Variants in PHF8 observed in about 807,000 individuals in gnomAD.
The protein encoded by PHF8 is PHD finger protein 8.
In PHF8, 9 loss-of-function variants were observed where a neutral mutation model predicts 74.4. That is an observed-to-expected ratio of 0.12 (90% confidence interval 0.07 to 0.21). The LOEUF is 0.21. Ranked by LOEUF, PHF8 falls within the 10% of genes least tolerant of loss-of-function variation. PHF8 has a pLI of 1.00. For synonymous variants in PHF8, 311 were observed against 316.6 expected (o/e 0.98, Z 0.19); for missense variants, 478 against 816.6 (o/e 0.59, Z 5.05).
Position 53,938,145 on chromosome X carries a change from A to G in PHF8, c.*1013T>C. The G allele has an allele frequency of 3.5e-6, 4 of 1,132,308 alleles. No homozygotes were observed. Among genetic ancestry groups the G allele is most frequent in the Non-Finnish European group, 4.7e-6 (4 of 855,940 alleles). 93.3% of individuals were successfully genotyped at this position (1,132,308 alleles called of 1,213,427 possible). ...CCTCAGGTGGAGAAAGAAGCATGAAAAGTTCCCGATGGAGGACCCAGGTGT... is the reference window on the plus strand; with the variant it reads ...CCTCAGGTGGAGAAAGAAGCATGAAGAGTTCCCGATGGAGGACCCAGGTGT... On this transcript the variant is annotated 3_prime_UTR_variant, in exon 22 of 22. Coordinates refer to ENST00000338154, the MANE Select transcript of PHF8 (RefSeq NM_015107.3).
Position 53,938,496 on chromosome X carries a change from A to AAGTG in PHF8, c.*658_*661dup. 1 of 764,701 alleles carries AAGTG rather than the reference A, an allele frequency of 1.3e-6. No individual in the cohort carries two copies. The highest frequency in any genetic ancestry group is 1.5e-6 in the Non-Finnish European group (1 of 646,022). The allele number at this position is 764,701 out of a possible 1,213,427, so 63.0% of individuals were successfully genotyped here. A position where few individuals can be genotyped will look rare whatever the true frequency, so the allele number is the denominator to read the frequency against. The stretch of plus-strand genomic sequence containing the variant: ...GCATCTGACCTCTCCCTACCTTGAC[A>AAGTG]AGTGATAGGAATCACCTTTCTTTTG... On this transcript the variant is annotated 3_prime_UTR_variant, in exon 22 of 22. Transcript: ENST00000338154.
chrX:53,989,665 T>C (rs1181734346), intron 14 of PHF8, among the ~76,000 whole-genome samples: 2 of 112,281 alleles, frequency 1.8e-5, no homozygotes, highest in Non-Finnish European at 3.8e-5. Flanking sequence ...GAAAAAAACC[T>C]CATAAACAGT....
chrX:54,010,052 G>A (rs1557106385), intron 8 of PHF8, among the ~76,000 whole-genome samples: 1 of 109,401 alleles, frequency 9.1e-6, no homozygotes, highest in East Asian at 2.9e-4. Context: ...GGTGGCTCAC[G>A]CCTATAATCC....
In PHF8 at chrX:53,993,501, A is replaced by C. The variant is rs192427692; in HGVS notation, c.1626+100T>G. 3.9e-5 allele frequency: 27 copies of C among 694,103 alleles called. No homozygotes were observed. The African/African-American group carries it at 5.5e-4, about 14-fold the overall frequency. 57.2% of individuals were successfully genotyped at this position (694,103 alleles called of 1,213,427 possible). A position where few individuals can be genotyped will look rare whatever the true frequency, so the allele number is the denominator to read the frequency against. ...CTGGTAGCCAAACAGCAGGGGGTCT[A>C]AGGGACATGGCAGCCAGACAGGATA... On this transcript the variant is annotated intron_variant, in intron 13 of 21. Transcript: ENST00000338154.
At chrX:54,037,900 G>T (rs1203026505) in intron 2 of PHF8, among the ~76,000 whole-genome samples, 1 of 112,390 alleles carries the variant, frequency 8.9e-6, no homozygotes, top group Non-Finnish European at 1.9e-5. Flanking sequence ...TCACAGATAA[G>T]AAATTATTTG....
At chrX:54,005,196 G>A (rs782562023) in intron 8 of PHF8, among the ~76,000 whole-genome samples, 4 of 110,789 alleles carry the variant, frequency 3.6e-5, no homozygotes, top group Admixed American at 9.7e-5. Flanking sequence ...AGCCTGGCGC[G>A]GTGGCTCATG....
At chrX:53,954,499 C>CAAAAAAAAAAAAAAAAA (rs1180184175) in intron 19 of PHF8, among the ~76,000 whole-genome samples, 1 of 13,136 alleles carries the variant, frequency 7.6e-5, no homozygotes, top group Non-Finnish European at 1.4e-4. Context: ...GACTCTGTCT[C>CAAAAAAAAAAAAAAAAA]AAAAAAAAAA....
intron 4 of PHF8, among the ~76,000 whole-genome samples, chrX:54,021,087 T>A (rs1362230437): frequency 1.1e-4 from 12 of 112,408 alleles, no homozygotes; most frequent in African/African-American, 3.2e-4. Flanking sequence ...TACATATATA[T>A]CATGGAATAC....
At chrX:53,978,350 C>G (rs1222081137) in intron 18 of PHF8, among the ~76,000 whole-genome samples, 1 of 111,852 alleles carries the variant, frequency 8.9e-6, no homozygotes, top group Non-Finnish European at 1.9e-5. Flanking sequence ...ACACAAGAAC[C>G]TATACCTGAA....
intron 8 of PHF8, among the ~76,000 whole-genome samples, chrX:54,008,914 C>T (rs2065937616): frequency 9.0e-6 from 1 of 111,526 alleles, no homozygotes; most frequent in Non-Finnish European, 1.9e-5. Context: ...CAGTGGCTCA[C>T]GCCTGTAATC....
Position 53,938,263 on chromosome X carries a change from T to C in PHF8, c.*895A>G. On this transcript the variant is annotated 3_prime_UTR_variant, in exon 22 of 22. Transcript: ENST00000338154. The stretch of plus-strand genomic sequence containing the variant: ...TGTAGGGCCAGGGTTATCTGCGTCA[T>C]TGGCAGGTGCTTTCAGGTTTCTGGG... 3.9e-6 allele frequency: 4 copies of C among 1,034,149 alleles called. No individual in the cohort carries two copies. Among genetic ancestry groups the C allele is most frequent in the Non-Finnish European group, 3.7e-6 (3 of 811,916 alleles). 85.2% of individuals were successfully genotyped at this position (1,034,149 alleles called of 1,213,427 possible).
chrX:54,040,694 G>A (rs1419973217), intron 2 of PHF8, among the ~76,000 whole-genome samples: 7 of 111,715 alleles, frequency 6.3e-5, no homozygotes, highest in African/African-American at 2.3e-4. Flanking sequence ...AACAAGAGAG[G>A]AGGAGTGGCA....
At chrX:53,965,756 T>C (rs1446746331) in intron 18 of PHF8, among the ~76,000 whole-genome samples, 1 of 111,912 alleles carries the variant, frequency 8.9e-6, no homozygotes, top group African/African-American at 3.2e-5. Context: ...AAATAATAGA[T>C]GACTGCAGTT....
chrX:53,942,952 T>TTG (rs1360216417), intron 20 of PHF8: 6 of 751,143 alleles, frequency 8.0e-6, no homozygotes, highest in Non-Finnish European at 9.4e-6. Context: ...TAAGAGGGCT[T>TTG]TGTGTGCTAT....
At chrX:53,979,999 T>C (rs1265819118) in intron 18 of PHF8, among the ~76,000 whole-genome samples, 1 of 110,975 alleles carries the variant, frequency 9.0e-6, no homozygotes, top group African/African-American at 3.3e-5. Flanking sequence ...AATAAGTAAA[T>C]AAATAGCTAG....
intron 6 of PHF8, among the ~76,000 whole-genome samples, chrX:54,015,561 G>A (rs2149875837): frequency 1.2e-5 from 1 of 86,438 alleles, no homozygotes; most frequent in South Asian, 6.0e-4. Flanking sequence ...GGGTGACAGA[G>A]CGAAACTCCG....
chrX:53,953,103 G>A (rs1484019161), intron 19 of PHF8, among the ~76,000 whole-genome samples: 8 of 104,980 alleles, frequency 7.6e-5, no homozygotes, highest in African/African-American at 2.4e-4. Flanking sequence ...GTGAAACCCC[G>A]TCTCCACTAA....
intron 11 of PHF8, among the ~76,000 whole-genome samples, chrX:53,998,410 T>G (rs1557103493): frequency 9.0e-6 from 1 of 111,133 alleles, no homozygotes; most frequent in Admixed American, 9.6e-5. Context: ...GCTGAGATCG[T>G]GCCACTGCAC....
chrX:53,972,562 T>C (rs894533313), intron 18 of PHF8, among the ~76,000 whole-genome samples: 19 of 111,285 alleles, frequency 1.7e-4, no homozygotes, highest in African/African-American at 6.2e-4. Context: ...ATTATCTCAA[T>C]AGATGCAGAA....
Sources: allele counts gnomAD v4.1 joint callset (sites outside exome capture counted in the v4.1 genomes callset), GRCh38; gene constraint gnomAD v4.1.1; transcripts MANE v1.5; gene names NCBI Gene and HGNC (gene_info 2026-07-23, HGNC 2026-07-21).